Variants in TIPARP observed in about 807,000 individuals in gnomAD.
The protein encoded by TIPARP is protein mono-ADP-ribosyltransferase TIPARP.
TIPARP carries 12 observed loss-of-function variants against 56.5 expected under a neutral mutation model. That is an observed-to-expected ratio of 0.21 (90% CI 0.14 to 0.34). TIPARP has a LOEUF of 0.34. TIPARP is among the 10% of genes least tolerant of loss of function. The pLI is 1.00. For synonymous variants in TIPARP, 296 were observed against 265.7 expected (o/e 1.11, Z -1.11); for missense variants, 604 against 781.6 (o/e 0.77, Z 2.71).
At chr3:156,686,875 T>C (rs1197525533) in intron 2 of TIPARP, among the ~76,000 whole-genome samples, 4 of 152,064 alleles carry the variant, frequency 2.6e-5, no homozygotes, top group African/African-American at 9.7e-5. Context: ...GTAGAAAAAA[T>C]TATAAAAACG....
At position 156,677,822 on chromosome 3, in the gene TIPARP, A is replaced by G. The variant is rs144427222; in HGVS notation, c.125A>G (p.Lys42Arg). 23 of 1,614,092 alleles carry G rather than the reference A, an allele frequency of 1.4e-5. No individual in the cohort carries two copies. The highest frequency in any genetic ancestry group is 1.9e-5 in the Non-Finnish European group (22 of 1,180,052). ...KITPLKTCFK[K>R]KDQKRLGTGT... ...ACTCCATTGAAGACTTGTTTTAAGA[A>G]AAAGGATCAGAAAAGATTGGGAACT... Residue 42 changes from lysine (K) to arginine (R), a missense_variant, in exon 2 of 6, where the codon AAA becomes AGA. Around this residue, in one of 4 missense-constraint regions of TIPARP, gnomAD observed 261 missense variants for 279.2 expected, o/e 0.93. Transcript: ENST00000295924.
chr3:156,694,146 ATTC>A lies in TIPARP; in HGVS notation c.1049_1051del (p.Phe350del). 1 of 1,613,190 alleles carries A rather than the reference ATTC, an allele frequency of 6.2e-7. No homozygotes were observed. The highest frequency in any genetic ancestry group is 8.5e-7 in the Non-Finnish European group (1 of 1,179,562). ...ACTCTATTTACCACACAGTCTGGAA[ATTC>A]TTCTGTAGGGACCACTTTGGATGGA... On this transcript the variant is annotated inframe_deletion, in exon 3 of 6. Transcript: ENST00000295924.
chr3:156,693,534 T>G (rs1465435199), intron 2 of TIPARP, among the ~76,000 whole-genome samples: 1 of 152,242 alleles, frequency 6.6e-6, no homozygotes, highest in African/African-American at 2.4e-5. Flanking sequence ...CGGATTCATT[T>G]TATTTTTCCC....
Position 156,677,955 on chromosome 3 carries a change from T to G in TIPARP, c.258T>G (p.His86Gln). 19 of 1,614,140 alleles carry G rather than the reference T, an allele frequency of 1.2e-5. No homozygotes were observed. Among genetic ancestry groups the G allele is most frequent in the Non-Finnish European group, 1.5e-5 (18 of 1,180,028 alleles). The change falls in exon 2 of 6, where the codon CAT becomes CAG. Residue 86 changes from histidine to glutamine, a missense_variant. Transcript: ENST00000295924. ...RNQSTDENSLHEPMMKKAMEI... is the reference protein window; with the variant it reads ...RNQSTDENSLQEPMMKKAMEI... ...AGAGTACAGATGAGAACAGCTTACATGAACCTATGATGAAGAAAGCCATGG... is the reference window on the plus strand; with the variant it reads ...AGAGTACAGATGAGAACAGCTTACAGGAACCTATGATGAAGAAAGCCATGG...
chr3:156,700,165 T>G (rs1722813083), intron 4 of TIPARP, among the ~76,000 whole-genome samples: 1 of 152,118 alleles, frequency 6.6e-6, no homozygotes, highest in Non-Finnish European at 1.5e-5. Flanking sequence ...AGTGCAGTGG[T>G]ATGATCATCA....
Position 156,677,923 on chromosome 3 carries a change from A to G in TIPARP, c.226A>G (p.Arg76Gly). ...CTCACTTGATGGGGTTTTTAGATCT[A>G]GGAACCAGAGTACAGATGAGAACAG... ...SGSLDGVFRS[R>G]NQSTDENSLH... The change falls in exon 2 of 6, where the codon AGG becomes GGG. Residue 76 changes from arginine (R) to glycine (G), a missense_variant. This residue lies in a region of TIPARP where 261 missense variants were observed against 279.2 expected (regional missense o/e 0.93). Coordinates refer to ENST00000295924, the MANE Select transcript of TIPARP (RefSeq NM_015508.5). The G allele has an allele frequency of 6.2e-7, 1 of 1,614,164 alleles. No individual in the cohort carries two copies.
At position 156,677,859 on chromosome 3, in the gene TIPARP, G is replaced by A. The variant is rs1266493736; in HGVS notation, c.162G>A (p.Arg54=). The change falls in exon 2 of 6, where the codon AGG becomes AGA. Residue 54 remains arginine, a synonymous_variant. Transcript: ENST00000295924. ...AAAGATTGGGAACTGGAACCCTGAG[G>A]TCTTTGAGGCCAATATTAAACACTC... is the stretch of plus-strand genomic sequence containing the variant. ...DQKRLGTGTL[R]SLRPILNTLL... is the part of the protein sequence containing the mutation. 1.9e-6 allele frequency: 3 copies of A among 1,614,038 alleles called. No individual in the cohort carries two copies. The Admixed American group carries it at 5.0e-5, about 27-fold the overall frequency.
At chr3:156,698,352 C>G (rs189360834) in intron 4 of TIPARP, among the ~76,000 whole-genome samples, 1 of 152,276 alleles carries the variant, frequency 6.6e-6, no homozygotes, top group African/African-American at 2.4e-5. Flanking sequence ...ACAAAACAAA[C>G]TTATATTAGA....
intron 3 of TIPARP, among the ~76,000 whole-genome samples, chr3:156,694,876 A>G (rs1385942616): frequency 6.6e-6 from 1 of 152,228 alleles, no homozygotes; most frequent in Non-Finnish European, 1.5e-5. Flanking sequence ...TTCCAGCATT[A>G]CAAAAGGGGG....
At chr3:156,680,237 C>G (rs1722260379) in intron 2 of TIPARP, among the ~76,000 whole-genome samples, 1 of 152,112 alleles carries the variant, frequency 6.6e-6, no homozygotes, top group South Asian at 2.1e-4. Flanking sequence ...ATATATTACA[C>G]TCAAGATTCC....
At chr3:156,696,235 A>G (rs1010771452) in intron 4 of TIPARP, among the ~76,000 whole-genome samples, 4 of 152,162 alleles carry the variant, frequency 2.6e-5, no homozygotes, top group South Asian at 2.1e-4. Context: ...TGAGTAACTT[A>G]TTGGATTTTT....
chr3:156,691,120 T>G (rs1365971392), intron 2 of TIPARP, among the ~76,000 whole-genome samples: 1 of 152,148 alleles, frequency 6.6e-6, no homozygotes, highest in East Asian at 1.9e-4. Flanking sequence ...CTTTTCCAAC[T>G]AGTACCAATC....
rs552655408 is a variant in TIPARP at position 156,686,270 on chromosome 3, A to C, written c.917+7656A>C. 3.3e-4 allele frequency among the ~76,000 whole-genome samples: 51 copies of C among 152,324 alleles called. No individual in the cohort carries two copies. In the South Asian group the frequency reaches 0.01, roughly 31 times the overall value. On this transcript the variant is annotated intron_variant, in intron 2 of 5. Transcript: ENST00000295924. ...AGAAATAATTTCGACTCTCTTAACT[A>C]ATTGATAAAATTGAATCTATCATAG...
chr3:156,685,026 CTGTT>C (rs1045938849), intron 2 of TIPARP, among the ~76,000 whole-genome samples: 3 of 152,088 alleles, frequency 2.0e-5, no homozygotes, highest in Non-Finnish European at 4.4e-5. Context: ...ACAATAAATT[CTGTT>C]TGTAAAGATT....
At chr3:156,689,666 T>A (rs1722516880) in intron 2 of TIPARP, among the ~76,000 whole-genome samples, 1 of 152,220 alleles carries the variant, frequency 6.6e-6, no homozygotes, top group Non-Finnish European at 1.5e-5. Flanking sequence ...CAAGCCAACT[T>A]ATCCAGTCCA....
chr3:156,704,875 A>G lies in TIPARP; in HGVS notation c.1718A>G (p.His573Arg). ...SYFAKKASYS[H>R]NFSKKSSKGV... The stretch of plus-strand genomic sequence containing the variant: ...TTTGCAAAGAAGGCAAGCTACTCTC[A>G]TAACTTTTCTAAGAAGTCCTCCAAA... Residue 573 changes from histidine to arginine, a missense_variant, in exon 6 of 6, where the codon CAT (histidine) becomes CGT (arginine). Physicochemically the swap from His to Arg is conservative, Grantham distance 29. This residue lies in a region of TIPARP where 77 missense variants were observed against 161.0 expected (regional missense o/e 0.48). Transcript: ENST00000295924. 6.2e-7 allele frequency: 1 copy of G among 1,613,916 alleles called. No homozygotes were observed. The highest frequency in any genetic ancestry group is 8.5e-7 in the Non-Finnish European group (1 of 1,179,756).
intron 5 of TIPARP, 34 bp downstream of exon 5, chr3:156,703,736 G>C: frequency 1.3e-6 from 2 of 1,576,742 alleles, no homozygotes; most frequent in Non-Finnish European, 1.7e-6. Flanking sequence ...CAAGACGGCC[G>C]GGCGCAGTGG....
chr3:156,678,954 CAT>C (rs1310667379), intron 2 of TIPARP, among the ~76,000 whole-genome samples: 1 of 152,186 alleles, frequency 6.6e-6, no homozygotes, highest in African/African-American at 2.4e-5. Context: ...CTTACTATAA[CAT>C]AAATAATGAA....
chr3:156,702,017 TGCG>T (rs1722854768), intron 4 of TIPARP, among the ~76,000 whole-genome samples: 2 of 105,872 alleles, frequency 1.9e-5, no homozygotes, highest in Non-Finnish European at 3.7e-5. Flanking sequence ...TTGATGATAA[TGCG>T]GTGGTGGTGG....
Sources: allele counts gnomAD v4.1 joint callset (sites outside exome capture counted in the v4.1 genomes callset), GRCh38; gene constraint gnomAD v4.1.1; regional missense constraint gnomAD v4.1.1; transcripts MANE v1.5; gene names NCBI Gene and HGNC (gene_info 2026-07-23, HGNC 2026-07-21).